The following FARS2 variants were observed in gnomAD, a reference collection of about 807,000 sequenced individuals.
FARS2 encodes the protein phenylalanyl-tRNA synthetase 2, mitochondrial.
A neutral mutation model predicts 46.4 loss-of-function variants in FARS2; 40 were observed. The ratio of observed to expected loss-of-function variants is 0.86; its 90% confidence interval spans 0.67 to 1.12. The LOEUF (loss-of-function observed/expected upper bound fraction) is 1.12, where lower values mean the gene tolerates loss of function less well. FARS2 is among the 50% of genes most tolerant of loss of function. The probability of loss-of-function intolerance (pLI) is 0.00; values close to 1 mark genes in which losing one functional copy is unlikely to be tolerated. For missense variants in FARS2, 513 were observed against 567.9 expected (o/e 0.90, Z 0.98); for synonymous variants, 234 against 214.9 (o/e 1.09, Z -0.78).
At chr6:5,706,801 A>G (rs1298868710) in intron 6 of FARS2, among the ~76,000 whole-genome samples, 2 of 152,346 alleles carry the variant, frequency 1.3e-5, no homozygotes, top group East Asian at 1.9e-4. Flanking sequence ...GAGATTTGCC[A>G]AATATTGCTG....
chr6:5,315,062 G>A (rs1769350289), intron 1 of FARS2, among the ~76,000 whole-genome samples: 1 of 152,154 alleles, frequency 6.6e-6, no homozygotes, highest in African/African-American at 2.4e-5. Flanking sequence ...TGAATTCTTG[G>A]CTTTGTGAAA....
chr6:5,405,538 GGTGCA>G lies in FARS2; in HGVS notation c.772+846_772+850del, dbSNP rs1210358440. On this transcript the variant is annotated intron_variant, in intron 3 of 6. Coordinates refer to ENST00000274680, the MANE Select transcript of FARS2 (RefSeq NM_006567.5). ...AGTCTCGCTCTGTCTCCCAGGCTGG[GGTGCA>G]GTGCAGTGGGGTGATCTCAGCTCAC... Among the ~76,000 whole-genome samples the G allele has an allele frequency of 3.7e-5, 5 of 136,006 alleles. No individual in the cohort carries two copies. In the East Asian group the frequency reaches 6.2e-4, roughly 17 times the overall value. 89.2% of individuals were successfully genotyped at this position (136,006 alleles called of 152,430 possible).
rs114932122 is a variant in FARS2 at position 5,500,352 on chromosome 6, C to T, written c.905-44828C>T. Among the ~76,000 whole-genome samples the T allele has an allele frequency of 3.7e-3, 566 of 152,326 alleles. 1 individual carries two copies. The highest frequency in any genetic ancestry group is 0.013 in the African/African-American group (528 of 41,566). ...GTACTCATAGAAATGCAGCTTTTCTCCCAGGCTGCAAAGAGCTGCCCATAT... is the reference window on the plus strand; with the variant it reads ...GTACTCATAGAAATGCAGCTTTTCTTCCAGGCTGCAAAGAGCTGCCCATAT... On this transcript the variant is annotated intron_variant, in intron 4 of 6. Coordinates refer to ENST00000274680, the MANE Select transcript of FARS2 (RefSeq NM_006567.5).
Position 5,431,766 on chromosome 6 carries a change from T to A in FARS2, c.904+594T>A, listed in dbSNP as rs1001197816. ...TTCAGAAAGATCTGTCTGGCTCTTTTCTGTAAGACCATTGCTTAATAAAAA... is the reference window on the plus strand; with the variant it reads ...TTCAGAAAGATCTGTCTGGCTCTTTACTGTAAGACCATTGCTTAATAAAAA... On this transcript the variant is annotated intron_variant, in intron 4 of 6. Coordinates refer to ENST00000274680, the MANE Select transcript of FARS2 (RefSeq NM_006567.5). The A allele has an allele frequency of 7.2e-4, 361 of 500,950 alleles. 1 individual carries two copies. The Admixed American group carries it at 7.6e-3, about 11-fold the overall frequency. 31.0% of individuals were successfully genotyped at this position (500,950 alleles called of 1,614,324 possible).
rs551309070 is a variant in FARS2, at chr6:5,726,154, T to C, written c.1218-45137T>C. 5.3e-5 allele frequency among the ~76,000 whole-genome samples: 8 copies of C among 152,158 alleles called. No homozygotes were observed. In the South Asian group the frequency reaches 6.2e-4, roughly 12 times the overall value. ...TCACATAAGTAGAAACCTGGCTCTT[T>C]TTTTCTTTTTAGAATCTTTTTTTTT... On this transcript the variant is annotated intron_variant, in intron 6 of 6. Coordinates refer to ENST00000274680, the MANE Select transcript of FARS2 (RefSeq NM_006567.5).
upstream of FARS2, among the ~76,000 whole-genome samples, chr6:5,256,100 T>C (rs1344249550): frequency 1.3e-5 from 2 of 151,772 alleles, no homozygotes; most frequent in East Asian, 2.0e-4. Flanking sequence ...GAAATCCTAG[T>C]TTAAGGTGAG....
intron 6 of FARS2, among the ~76,000 whole-genome samples, chr6:5,660,289 A>G (rs756847546): frequency 1.3e-4 from 20 of 152,348 alleles, no homozygotes; most frequent in Middle Eastern, 3.4e-3. Flanking sequence ...CTTTCATGGA[A>G]TAATCACACA....
intron 6 of FARS2, among the ~76,000 whole-genome samples, chr6:5,657,380 G>T (rs548622322): frequency 1.1e-4 from 16 of 152,312 alleles, no homozygotes; most frequent in African/African-American, 3.8e-4. Context: ...CTTCCACTGT[G>T]CTGCACTGAT....
chr6:5,550,263 C>G (rs1193974666), intron 5 of FARS2, among the ~76,000 whole-genome samples: 2 of 152,132 alleles, frequency 1.3e-5, no homozygotes, highest in Non-Finnish European at 1.5e-5. Context: ...TCTAAAATAT[C>G]CTTCTTTTTT....
intron 1 of FARS2, among the ~76,000 whole-genome samples, chr6:5,300,276 C>T (rs545512101): frequency 1.3e-5 from 2 of 152,150 alleles, no homozygotes; most frequent in Admixed American, 6.5e-5. Flanking sequence ...ATATGTGTCT[C>T]TGTGTGTACA....
At chr6:5,443,050 A>G (rs534896695) in intron 4 of FARS2, among the ~76,000 whole-genome samples, 5 of 152,312 alleles carry the variant, frequency 3.3e-5, no homozygotes, top group Admixed American at 1.3e-4. Flanking sequence ...GTTCATTTCA[A>G]TGTCTAAGGT....
chr6:5,383,760 CTT>C (rs5873976), intron 2 of FARS2, among the ~76,000 whole-genome samples: 2 of 145,190 alleles, frequency 1.4e-5, no homozygotes, highest in Non-Finnish European at 3.0e-5. Flanking sequence ...TTCTGATCTA[CTT>C]TTTTTTTTTT....
chr6:5,252,827 AGAG>A, the FARS2 span, among the ~76,000 whole-genome samples: 1 of 151,222 alleles, frequency 6.6e-6, no homozygotes, highest in Non-Finnish European at 1.5e-5. Flanking sequence ...CATAAGCATG[AGAG>A]GAACACCGAG....
chr6:5,543,939 A>C (rs763319439), intron 4 of FARS2, among the ~76,000 whole-genome samples: 1 of 151,470 alleles, frequency 6.6e-6, no homozygotes, highest in Non-Finnish European at 1.5e-5. Context: ...ACATAGCACG[A>C]ATTGACTATA....
At chr6:5,530,815 TA>T (rs1769780337) in intron 4 of FARS2, among the ~76,000 whole-genome samples, 1 of 147,310 alleles carries the variant, frequency 6.8e-6, no homozygotes, top group Non-Finnish European at 1.5e-5. Context: ...AATATATCAA[TA>T]TATAAATGGA....
chr6:5,358,006 C>T (rs761761358), intron 1 of FARS2, among the ~76,000 whole-genome samples: 60 of 152,160 alleles, frequency 3.9e-4, no homozygotes, highest in Middle Eastern at 3.2e-3. Context: ...GTAATTGCTG[C>T]ACTACAGTCA....
At chr6:5,609,487 C>G (rs1775050614) in intron 5 of FARS2, 1 of 1,221,790 alleles carries the variant, frequency 8.2e-7, no homozygotes, top group South Asian at 1.2e-5. Flanking sequence ...CCATATCCAC[C>G]ACCATCATGG....
At chr6:5,422,361 T>TCA (rs1491461105) in intron 3 of FARS2, among the ~76,000 whole-genome samples, 77 of 128,806 alleles carry the variant, frequency 6.0e-4, no homozygotes, top group African/African-American at 2.2e-3. Flanking sequence ...CCTGTTTGGT[T>TCA]CTCTCTCTCT....
chr6:5,264,483 C>CTTTTCTT (rs1166836822), intron 1 of FARS2, among the ~76,000 whole-genome samples: 13 of 149,720 alleles, frequency 8.7e-5, no homozygotes, highest in Admixed American at 6.0e-4. Context: ...TATGGTTTTT[C>CTTTTCTT]TTTTCTTTTT....
Sources: gnomAD v4.1 joint callset for allele counts (sites outside exome capture counted in the v4.1 genomes callset) on GRCh38, gnomAD v4.1.1 for gene constraint, MANE v1.5 for transcripts, NCBI Gene and HGNC (gene_info 2026-07-23, HGNC 2026-07-21) for gene names.